KLF9: variants seen among roughly 807,000 people sequenced by gnomAD.
KLF9 encodes Krueppel-like factor 9.
KLF9 carries 2 observed loss-of-function variants against 17.3 expected under a neutral mutation model. The observed-to-expected ratio is 0.12, with a 90% CI of 0.05 to 0.36. KLF9 has a LOEUF of 0.36. Ranked by LOEUF, KLF9 falls within the 10% of genes least tolerant of loss-of-function variation. KLF9 has a pLI of 1.00. For synonymous variants in KLF9, 138 were observed against 139.2 expected (o/e 0.99, Z 0.06); for missense variants, 226 against 333.2 (o/e 0.68, Z 2.51).
chr9:70,387,784 C>T lies in KLF9; in HGVS notation c.727G>A (p.Ala243Thr), dbSNP rs866016516. Residue 243 changes from alanine (A) to threonine (T), a missense_variant, in exon 2 of 2, where the codon GCT becomes ACT. Coordinates refer to ENST00000377126, the MANE Select transcript of KLF9 (RefSeq NM_001206.4). ...CTTCCACGGGCAGCACCTCACAAAG[C>T]GTTGGCCAGCGCCTTTTTCGATCGC... is the stretch of plus-strand genomic sequence containing the variant. ...IKRSKKALAN[A>T]L is the part of the protein sequence containing the mutation. 24 of 1,613,916 alleles carry T rather than the reference C, an allele frequency of 1.5e-5. 1 individual carries two copies. The Middle Eastern group carries it at 3.8e-3, about 255-fold the overall frequency.
chr9:70,398,547 G>A (rs1044684876), intron 1 of KLF9, among the ~76,000 whole-genome samples: 8 of 150,766 alleles, frequency 5.3e-5, no homozygotes, highest in African/African-American at 2.0e-4. Context: ...GGAGTGCAGT[G>A]GCACGATCTC....
chr9:70,394,246 C>T (rs191200668), intron 1 of KLF9, among the ~76,000 whole-genome samples: 2 of 151,484 alleles, frequency 1.3e-5, no homozygotes, highest in African/African-American at 4.8e-5. Context: ...TTAAAAAGGA[C>T]AATTTGATAT....
At chr9:70,388,041 G>A in intron 1 of KLF9, 36 bp from the exon 2 acceptor site, 2 of 1,560,648 alleles carry the variant, frequency 1.3e-6, no homozygotes, top group African/African-American at 1.4e-5. Context: ...ACAGCTCAAA[G>A]AACATGAAAA....
At chr9:70,396,053 A>G (rs2037180085) in intron 1 of KLF9, among the ~76,000 whole-genome samples, 1 of 152,254 alleles carries the variant, frequency 6.6e-6, no homozygotes, top group African/African-American at 2.4e-5. Context: ...AAACATGCCA[A>G]TTAAGACACC....
chr9:70,393,299 C>T (rs1340357609), intron 1 of KLF9, among the ~76,000 whole-genome samples: 1 of 152,142 alleles, frequency 6.6e-6, no homozygotes, highest in Non-Finnish European at 1.5e-5. Flanking sequence ...GGAGCCTCCT[C>T]GACTGCTGAT....
chr9:70,390,403 AAAAG>A (rs778876342), intron 1 of KLF9, among the ~76,000 whole-genome samples: 20 of 152,214 alleles, frequency 1.3e-4, no homozygotes, highest in Non-Finnish European at 2.4e-4. Flanking sequence ...GAGGAAAAAA[AAAAG>A]AGTTTCCCGT....
rs1377073510 is a variant in KLF9 at position 70,397,490 on chromosome 9, C to T, written c.506-9485G>A. 3.3e-5 allele frequency among the ~76,000 whole-genome samples: 5 copies of T among 151,384 alleles called. No individual in the cohort carries two copies. The South Asian group carries it at 1.0e-3, about 32-fold the overall frequency. ...ACTCTGACTAAAAAAAAAAACAAAA[C>T]GGAGAAAGTCAGAAACTTCCTGAAT... On this transcript the variant is annotated intron_variant, in intron 1 of 1. Coordinates refer to ENST00000377126, the MANE Select transcript of KLF9 (RefSeq NM_001206.4).
In KLF9 at chr9:70,413,187, T is replaced by C. The variant is rs2037340460; in HGVS notation, c.177A>G (p.Thr59=). The change falls in exon 1 of 2, where the codon ACA becomes ACG. Residue 59 remains threonine (T), a synonymous_variant. Transcript: ENST00000377126. The surrounding 1 kb of genome is among the most constrained non-coding windows in gnomAD (Gnocchi z 5.6). ...DPGDTWKDYC[T]LVTIAKSLLD... ...ACAAGCTCTTGGCGATGGTGACCAG[T>C]GTGCAGTAATCCTTCCAGGTGTCCC... 6.2e-7 allele frequency: 1 copy of C among 1,614,152 alleles called. No individual in the cohort carries two copies. The highest frequency in any genetic ancestry group is 8.5e-7 in the Non-Finnish European group (1 of 1,180,024).
chr9:70,401,440 C>A (rs373927337), intron 1 of KLF9, among the ~76,000 whole-genome samples: 42 of 151,888 alleles, frequency 2.8e-4, no homozygotes, highest in African/African-American at 9.7e-4. Context: ...TAATCCAGCA[C>A]TTTGGAAGGC....
intron 1 of KLF9, among the ~76,000 whole-genome samples, chr9:70,404,356 C>A (rs2037242613): frequency 6.6e-6 from 1 of 152,068 alleles, no homozygotes; most frequent in African/African-American, 2.4e-5. Context: ...TCCTAACACT[C>A]TGGGAGGCTG....
chr9:70,407,583 C>T (rs2037265085), intron 1 of KLF9, among the ~76,000 whole-genome samples: 2 of 152,322 alleles, frequency 1.3e-5, no homozygotes, highest in South Asian at 4.1e-4. Flanking sequence ...ACTGTCTTTG[C>T]TAGGGCAGAT....
intron 1 of KLF9, among the ~76,000 whole-genome samples, chr9:70,396,100 A>T (rs2037180407): frequency 6.6e-6 from 1 of 152,176 alleles, no homozygotes; most frequent in African/African-American, 2.4e-5. Context: ...AACGTTAAAA[A>T]ATCTGTTCAT....
Position 70,386,704 on chromosome 9 carries a change from G to A in KLF9, c.*1072C>T, listed in dbSNP as rs2037112719. The A allele has an allele frequency of 1.3e-5, 2 of 152,594 alleles. No homozygotes were observed. Among genetic ancestry groups the A allele is most frequent in the South Asian group, 2.1e-4 (1 of 4,830 alleles). The allele number at this position is 152,594 out of a possible 1,614,324, so 9.5% of individuals were successfully genotyped here. A position where few individuals can be genotyped will look rare whatever the true frequency, so the allele number is the denominator to read the frequency against. Reference sequence around the variant, plus strand: ...AAAGCTCTCTCCCCTAGTGGCATTAGGATACAATAATGATGTTAACTAAAA... The same window carrying A: ...AAAGCTCTCTCCCCTAGTGGCATTAAGATACAATAATGATGTTAACTAAAA... On this transcript the variant is annotated 3_prime_UTR_variant, in exon 2 of 2. Transcript: ENST00000377126.
At chr9:70,394,381 T>C (rs1251818434) in intron 1 of KLF9, among the ~76,000 whole-genome samples, 3 of 151,844 alleles carry the variant, frequency 2.0e-5, no homozygotes, top group Admixed American at 6.6e-5. Flanking sequence ...TATGATAAAA[T>C]TGAACAACCA....
At chr9:70,411,097 A>G (rs2037308749) in intron 1 of KLF9, among the ~76,000 whole-genome samples, 1 of 152,244 alleles carries the variant, frequency 6.6e-6, no homozygotes, top group Admixed American at 6.5e-5. Context: ...GCATGCACGC[A>G]CACAGAAGCA....
intron 1 of KLF9, among the ~76,000 whole-genome samples, chr9:70,409,962 G>T (rs1358860930): frequency 6.6e-6 from 1 of 152,194 alleles, no homozygotes; most frequent in Non-Finnish European, 1.5e-5. Context: ...TTCTCAAGGG[G>T]TTACTGTGTG....
At position 70,409,130 on chromosome 9, in the gene KLF9, G is replaced by GTA. The variant is rs1404082637; in HGVS notation, c.505+3727_505+3728dup. On this transcript the variant is annotated intron_variant, in intron 1 of 1. Coordinates refer to ENST00000377126, the MANE Select transcript of KLF9 (RefSeq NM_001206.4). ...TATATATATACATATATGTATATAT[G>GTA]TATACATATATATGTATATGTATAT... 9.4e-5 allele frequency among the ~76,000 whole-genome samples: 5 copies of GTA among 52,962 alleles called. 1 individual carries two copies. Among genetic ancestry groups the GTA allele is most frequent in the Non-Finnish European group, 2.6e-4 (5 of 19,142 alleles). The allele number at this position is 52,962 out of a possible 152,430, so 34.7% of individuals were successfully genotyped here. A position where few individuals can be genotyped will look rare whatever the true frequency, so the allele number is the denominator to read the frequency against.
intron 1 of KLF9, among the ~76,000 whole-genome samples, chr9:70,411,356 A>T (rs760458297): frequency 6.6e-6 from 1 of 152,190 alleles, no homozygotes; most frequent in African/African-American, 2.4e-5. Context: ...GTTGGTGAGT[A>T]ACACCCTCCA....
intron 1 of KLF9, among the ~76,000 whole-genome samples, chr9:70,394,298 T>TACAC (rs61688107): frequency 1.6e-3 from 239 of 150,360 alleles, no homozygotes; most frequent in East Asian, 3.1e-3. Context: ...TAACAGCTCA[T>TACAC]ACACACACAC....
Sources: allele counts gnomAD v4.1 joint callset (sites outside exome capture counted in the v4.1 genomes callset), GRCh38; gene constraint gnomAD v4.1.1; non-coding constraint Gnocchi (gnomAD v3.1); transcripts MANE v1.5; gene names NCBI Gene and HGNC (gene_info 2026-07-23, HGNC 2026-07-21).